XPO7: variants seen among roughly 807,000 people sequenced by gnomAD.
XPO7 encodes exportin 7, also known as exportin-7.
A neutral mutation model predicts 144.3 loss-of-function variants in XPO7; 21 were observed. That is an observed-to-expected ratio of 0.15 (90% CI 0.10 to 0.21). The LOEUF (loss-of-function observed/expected upper bound fraction) is 0.21. Ranked by LOEUF, XPO7 falls within the 10% of genes least tolerant of loss-of-function variation. XPO7 has a pLI of 1.00. For synonymous variants in XPO7, 580 were observed against 499.6 expected (o/e 1.16, Z -2.15); for missense variants, 808 against 1,325.8 (o/e 0.61, Z 6.06).
intron 25 of XPO7, 94 bp downstream of exon 25, chr8:22,002,366 A>C: frequency 7.0e-7 from 1 of 1,420,838 alleles, no homozygotes; most frequent in Non-Finnish European, 9.5e-7. Flanking sequence ...TTAACATGAC[A>C]TCTCATCAGG....
intron 5 of XPO7, among the ~76,000 whole-genome samples, chr8:21,972,356 G>A (rs1812091763): frequency 6.6e-6 from 1 of 152,134 alleles, no homozygotes; most frequent in Admixed American, 6.5e-5. Flanking sequence ...GCATGTGCCT[G>A]TAGTCCCAGC....
At chr8:21,958,053 C>T (rs758752544) in intron 1 of XPO7, among the ~76,000 whole-genome samples, 108 of 152,146 alleles carry the variant, frequency 7.1e-4, no homozygotes, top group Non-Finnish European at 1.3e-3. Flanking sequence ...TTTAAGCAAA[C>T]GTTTGAGACA....
At chr8:21,966,764 GATT>G in intron 1 of XPO7, 90 bp from the exon 2 acceptor site, 1 of 1,489,328 alleles carries the variant, frequency 6.7e-7, no homozygotes, top group Non-Finnish European at 9.0e-7. Context: ...TTTCTTTACT[GATT>G]ATTATTTATC....
intron 3 of XPO7, 157 bp from the exon 4 acceptor site, chr8:21,969,987 C>A: frequency 1.2e-6 from 1 of 816,388 alleles, no homozygotes; most frequent in East Asian, 2.6e-5. Context: ...ATTTAAAGTC[C>A]CATTTGGAAC....
intron 4 of XPO7, among the ~76,000 whole-genome samples, chr8:21,970,839 T>C (rs928292038): frequency 6.6e-6 from 1 of 152,202 alleles, no homozygotes; most frequent in Non-Finnish European, 1.5e-5. Flanking sequence ...TCGAACTGTC[T>C]TAATGTTGTA....
intron 1 of XPO7, among the ~76,000 whole-genome samples, chr8:21,925,280 C>T (rs1157173970): frequency 6.6e-6 from 1 of 152,210 alleles, no homozygotes; most frequent in Non-Finnish European, 1.5e-5. Context: ...GCTGTTCACC[C>T]CTTCGCACAT....
chr8:22,004,838 TTTCTC>T (rs1200657787), intron 27 of XPO7, among the ~76,000 whole-genome samples, 152 bp from the exon 28 acceptor site: 1 of 151,630 alleles, frequency 6.6e-6, no homozygotes, highest in Non-Finnish European at 1.5e-5. Flanking sequence ...TAAGCCAACT[TTTCTC>T]TTAGAGTCTT....
In XPO7 at chr8:22,002,117, A is replaced by G. The variant is rs1563340890; in HGVS notation, c.2788A>G (p.Met930Val). The G allele has an allele frequency of 6.2e-7, 1 of 1,609,074 alleles. No individual in the cohort carries two copies. Among genetic ancestry groups the G allele is most frequent in the East Asian group, 2.2e-5 (1 of 44,802 alleles). ...CCTGCCTTTCTTTCTTGCAGACACC[A>G]TGGTATGCACAGGCTGCTGCTCCTG... ...ISEGLTALDT[M>V]VCTGCCSCLD... The change falls in exon 25 of 28, where the codon ATG (methionine) becomes GTG (valine). Residue 930 changes from methionine to valine, a missense_variant. Met to Val is a conservative substitution (Grantham distance 21). Around this residue, in one of 5 missense-constraint regions of XPO7, gnomAD observed 140 missense variants for 237.9 expected, o/e 0.59. Coordinates refer to ENST00000252512, the MANE Select transcript of XPO7 (RefSeq NM_015024.5).
chr8:21,946,120 CAT>C (rs1463368927), intron 1 of XPO7, among the ~76,000 whole-genome samples: 1 of 152,138 alleles, frequency 6.6e-6, no homozygotes, highest in African/African-American at 2.4e-5. Flanking sequence ...ACCACACACA[CAT>C]GCATCTGCAT....
chr8:21,935,868 C>G (rs1326459514), intron 1 of XPO7, among the ~76,000 whole-genome samples: 1 of 152,098 alleles, frequency 6.6e-6, no homozygotes, highest in Non-Finnish European at 1.5e-5. Flanking sequence ...CTCTCTGTCT[C>G]GTCTGCAAAT....
intron 1 of XPO7, among the ~76,000 whole-genome samples, chr8:21,934,545 A>G (rs957556663): frequency 4.9e-4 from 74 of 152,276 alleles, no homozygotes; most frequent in African/African-American, 1.7e-3. Context: ...AAAAAAAAAA[A>G]GAAATATTTT....
chr8:21,956,569 G>T (rs1367129842), intron 1 of XPO7, among the ~76,000 whole-genome samples: 1 of 151,996 alleles, frequency 6.6e-6, no homozygotes, highest in Admixed American at 6.6e-5. Context: ...TAGGCCTATG[G>T]AACTGGGTCT....
intron 20 of XPO7, among the ~76,000 whole-genome samples, chr8:21,995,073 T>TAAC (rs1046890522): frequency 2.6e-5 from 4 of 151,108 alleles, no homozygotes; most frequent in Non-Finnish European, 5.9e-5. Flanking sequence ...TAAATAATAA[T>TAAC]AATAATAATA....
intron 1 of XPO7, among the ~76,000 whole-genome samples, chr8:21,946,855 A>C (rs1304409619): frequency 6.6e-6 from 1 of 152,194 alleles, no homozygotes; most frequent in African/African-American, 2.4e-5. Context: ...CCTGCAGAGA[A>C]CAGACTGGCA....
In XPO7 at chr8:21,940,744, C is replaced by T. The variant is rs374688591; in HGVS notation, c.18+20956C>T. ...TTGGCCTCCCAAAGTGCTGGGACTA[C>T]AGGCATGAGCCACCGTGCCTGGCCA... On this transcript the variant is annotated intron_variant, in intron 1 of 27. Transcript: ENST00000252512. 7.9e-4 allele frequency among the ~76,000 whole-genome samples: 121 copies of T among 152,256 alleles called. 2 individuals are homozygous for T. The South Asian group carries it at 0.023, about 29-fold the overall frequency.
At chr8:21,969,461 C>A in intron 2 of XPO7, 22 bp from the exon 3 acceptor site, 1 of 1,601,776 alleles carries the variant, frequency 6.2e-7, no homozygotes, top group Non-Finnish European at 8.5e-7. Context: ...ATTTTAAGTC[C>A]TTTTTCCCTC....
chr8:21,989,594 G>GACT (rs1812691954), intron 16 of XPO7, among the ~76,000 whole-genome samples: 1 of 152,068 alleles, frequency 6.6e-6, no homozygotes, highest in African/African-American at 2.4e-5. Flanking sequence ...TTATTGAAGT[G>GACT]ACTTTCTTCT....
chr8:21,975,998 G>A (rs1470543493), intron 6 of XPO7, among the ~76,000 whole-genome samples: 1 of 152,196 alleles, frequency 6.6e-6, no homozygotes. Flanking sequence ...TCCCAGCCCT[G>A]TCTAGAAATA....
intron 16 of XPO7, among the ~76,000 whole-genome samples, chr8:21,989,429 C>T (rs1190650907): frequency 6.6e-6 from 1 of 152,174 alleles, no homozygotes; most frequent in Non-Finnish European, 1.5e-5. Context: ...GTTGTCCCAT[C>T]AGCTGGTTGG....
Sources: allele counts gnomAD v4.1 joint callset (sites outside exome capture counted in the v4.1 genomes callset), GRCh38; gene constraint gnomAD v4.1.1; regional missense constraint gnomAD v4.1.1; transcripts MANE v1.5; gene names NCBI Gene and HGNC (gene_info 2026-07-23, HGNC 2026-07-21).